MRPS5: variants seen among roughly 807,000 people sequenced by gnomAD.
MRPS5 encodes the protein small ribosomal subunit protein uS5m.
In MRPS5, 27 loss-of-function variants were observed where a neutral mutation model predicts 51.9. That is an observed-to-expected ratio of 0.52 (90% confidence interval 0.38 to 0.72). The LOEUF (loss-of-function observed/expected upper bound fraction) is 0.72. MRPS5 is among the 30% of genes least tolerant of loss of function. The pLI is 0.00. For missense variants in MRPS5, 570 were observed against 545.7 expected, an observed-to-expected ratio of 1.04 and a Z score of -0.44; for synonymous variants, 196 against 193.2, an observed-to-expected ratio of 1.01 and a Z score of -0.12.
rs558708213 is a variant in MRPS5 at position 95,093,523 on chromosome 2, C to G, written c.932-3001G>C. 3.3e-5 allele frequency: 5 copies of G among 152,382 alleles called. No homozygotes were observed. The East Asian group carries it at 7.7e-4, about 24-fold the overall frequency. 9.4% of individuals were successfully genotyped at this position (152,382 alleles called of 1,614,324 possible). A position where few individuals can be genotyped will look rare whatever the true frequency, so the allele number is the denominator to read the frequency against. On this transcript the variant is annotated intron_variant, in intron 10 of 11. Transcript: ENST00000272418. ...CGTAGATTCCAGAGGAAGGATCAGG[C>G]AGTAATATTTGCTCTTCTGCAATAT...
rs1675295219 is a variant in MRPS5 at position 95,086,557 on chromosome 2, T to G, written c.*800A>C. On this transcript the variant is annotated 3_prime_UTR_variant, in exon 12 of 12. Coordinates refer to ENST00000272418, the MANE Select transcript of MRPS5 (RefSeq NM_031902.5). ...GCCTCAGGGACTCACGGGACAATAG[T>G]AAAAGATTCAACATTTTGGTCATCA... Among the ~76,000 whole-genome samples the G allele has an allele frequency of 6.6e-6, 1 of 152,030 alleles. No homozygotes were observed. Among genetic ancestry groups the G allele is most frequent in the Non-Finnish European group, 1.5e-5 (1 of 68,004 alleles).
chr2:95,100,388 A>G, intron 10 of MRPS5, 86 bp downstream of exon 10: 1 of 1,004,510 alleles, frequency 1.0e-6, no homozygotes, highest in South Asian at 1.5e-5. Flanking sequence ...GAGTTCAACT[A>G]AAGATGAACA....
In MRPS5 at chr2:95,087,073, T is replaced by C. The variant is rs985766720; in HGVS notation, c.*284A>G. ...TTATCATTGTGTACATTATTACTGATTGGGTCAAATTATTAACCCCGTCTC... is the reference window on the plus strand; with the variant it reads ...TTATCATTGTGTACATTATTACTGACTGGGTCAAATTATTAACCCCGTCTC... On this transcript the variant is annotated 3_prime_UTR_variant, in exon 12 of 12. Coordinates refer to ENST00000272418, the MANE Select transcript of MRPS5 (RefSeq NM_031902.5). The C allele has an allele frequency of 3.1e-6, 1 of 323,298 alleles. No homozygotes were observed. The highest frequency in any genetic ancestry group is 5.6e-6 in the Non-Finnish European group (1 of 178,450). The allele number at this position is 323,298 out of a possible 1,614,324, so 20.0% of individuals were successfully genotyped here.
At chr2:95,098,996 G>T (rs1433220537) in intron 10 of MRPS5, among the ~76,000 whole-genome samples, 2 of 147,212 alleles carry the variant, frequency 1.4e-5, no homozygotes, top group Admixed American at 1.4e-4. Context: ...TCGGCTCACT[G>T]CAAGTTCCAC....
At chr2:95,097,970 A>G (rs1253843070) in intron 10 of MRPS5, among the ~76,000 whole-genome samples, 1 of 152,254 alleles carries the variant, frequency 6.6e-6, no homozygotes, top group Non-Finnish European at 1.5e-5. Context: ...GCTAATATCC[A>G]GCATCTACAA....
intron 10 of MRPS5, chr2:95,093,522 G>A (rs1675531521): frequency 6.6e-6 from 1 of 152,268 alleles, no homozygotes; most frequent in Admixed American, 6.5e-5. Flanking sequence ...GAAGGATCAG[G>A]CAGTAATATT....
intron 7 of MRPS5, among the ~76,000 whole-genome samples, chr2:95,103,385 A>T (rs1464411541): frequency 6.6e-6 from 1 of 152,234 alleles, no homozygotes; most frequent in Non-Finnish European, 1.5e-5. Flanking sequence ...AAAAAATGCA[A>T]ATCAAAACTG....
intron 5 of MRPS5, among the ~76,000 whole-genome samples, chr2:95,107,601 A>G (rs1675988201): frequency 1.3e-5 from 2 of 152,100 alleles, no homozygotes; most frequent in Admixed American, 1.3e-4. Context: ...CTTTAAGCCA[A>G]ACTTCTTAAG....
chr2:95,100,977 T>A, intron 8 of MRPS5, 83 bp from the exon 9 acceptor site: 1 of 1,234,436 alleles, frequency 8.1e-7, no homozygotes, highest in Middle Eastern at 2.1e-4. Context: ...AATAAAAATG[T>A]TTCATTATCA....
At chr2:95,110,840 G>A (rs1676098233) in intron 3 of MRPS5, among the ~76,000 whole-genome samples, 1 of 151,892 alleles carries the variant, frequency 6.6e-6, no homozygotes, top group Non-Finnish European at 1.5e-5. Context: ...TAAAGAATCG[G>A]AACCACAAAA....
intron 3 of MRPS5, among the ~76,000 whole-genome samples, chr2:95,114,001 T>G (rs1676205856): frequency 1.3e-5 from 2 of 149,988 alleles, no homozygotes; most frequent in African/African-American, 4.9e-5. Flanking sequence ...GCCCCTGTAG[T>G]CCCAGCTACT....
At chr2:95,101,952 G>A (rs1027840871) in intron 7 of MRPS5, 6 of 482,728 alleles carry the variant, frequency 1.2e-5, no homozygotes, top group African/African-American at 1.2e-4. Context: ...CCAGGAGTTT[G>A]AGACCAGCCT....
chr2:95,100,951 T>G lies in MRPS5; in HGVS notation c.811-57A>C, dbSNP rs1222228963. 13 of 1,421,636 alleles carry G rather than the reference T, an allele frequency of 9.1e-6. No homozygotes were observed. In the South Asian group the frequency reaches 1.4e-4, roughly 15 times the overall value. 88.1% of individuals were successfully genotyped at this position (1,421,636 alleles called of 1,614,324 possible). A position where few individuals can be genotyped will look rare whatever the true frequency, so the allele number is the denominator to read the frequency against. On this transcript the variant is annotated intron_variant, in intron 8 of 11. Transcript: ENST00000272418. Reference sequence around the variant, plus strand: ...GTTGAAATTTACATCTTTTCAAGGATTCCAAAAACACTTTTAATAAAAATG... The same window carrying G: ...GTTGAAATTTACATCTTTTCAAGGAGTCCAAAAACACTTTTAATAAAAATG...
intron 3 of MRPS5, among the ~76,000 whole-genome samples, chr2:95,113,203 G>A (rs1676177699): frequency 6.6e-6 from 1 of 152,008 alleles, no homozygotes; most frequent in Non-Finnish European, 1.5e-5. Context: ...CCAGCCAGGT[G>A]CAGAGGCTCA....
intron 7 of MRPS5, 98 bp from the exon 8 acceptor site, chr2:95,101,821 A>C (rs1354984851): frequency 7.5e-5 from 56 of 746,554 alleles, no homozygotes; most frequent in Non-Finnish European, 8.9e-6. Context: ...ATTTCACAGC[A>C]CTTCATCTTT....
chr2:95,117,836 G>A (rs2104431203), intron 2 of MRPS5, 29 bp downstream of exon 2: 1 of 1,535,964 alleles, frequency 6.5e-7, no homozygotes, highest in Non-Finnish European at 8.8e-7. Flanking sequence ...GATCTTATGA[G>A]AAAAGGTAGT....
In MRPS5 at chr2:95,101,714, A is replaced by G; in HGVS notation, c.773T>C (p.Ile258Thr). 2 of 1,598,380 alleles carry G rather than the reference A, an allele frequency of 1.3e-6. No individual in the cohort carries two copies. Among genetic ancestry groups the G allele is most frequent in the East Asian group, 2.2e-5 (1 of 44,738 alleles). The change falls in exon 8 of 12, where the codon ATT becomes ACT. Residue 258 changes from isoleucine (I) to threonine (T), a missense_variant. By Grantham distance (89) the Ile-to-Thr change is moderately conservative. Transcript: ENST00000272418. ...ATCCATCCGATCAGTAGCTTTCCCA[A>G]TAGAAAAACCTTTAAACAAAAAAGC... ...GNGKGAAGFS[I>T]GKATDRMDAF... is the part of the protein sequence containing the mutation.
At chr2:95,092,686 ATT>A (rs912903618) in intron 10 of MRPS5, 1 of 152,254 alleles carries the variant, frequency 6.6e-6, no homozygotes, top group Admixed American at 6.5e-5. Flanking sequence ...GACAGGAAAG[ATT>A]TTAAAAGGTA....
Position 95,117,910 on chromosome 2 carries a change from AG to A in MRPS5, c.93del (p.Leu32TyrfsTer32). 6.2e-7 allele frequency: 1 copy of A among 1,608,786 alleles called. No homozygotes were observed. The highest frequency in any genetic ancestry group is 8.5e-7 in the Non-Finnish European group (1 of 1,178,958). On this transcript the variant is annotated frameshift_variant, in exon 2 of 12. Transcript: ENST00000272418. LOFTEE classifies it high-confidence loss of function. ...CATGCCAAAATGGAAGCTGCTGGTA[AG>A]GTGTTTAGGGAACACTGCCTCCCCA... is the stretch of plus-strand genomic sequence containing the variant. ...HLLGRQCSLNTLPAASILAWK... is the reference protein window; with the variant it reads ...HLLGRQCSLNXLPAASILAWK...
Sources: allele counts gnomAD v4.1 joint callset (sites outside exome capture counted in the v4.1 genomes callset), GRCh38; gene constraint gnomAD v4.1.1; transcripts MANE v1.5; gene names NCBI Gene and HGNC (gene_info 2026-07-23, HGNC 2026-07-21).